Variants in DIAPH3 observed in about 807,000 individuals in gnomAD.
The protein encoded by DIAPH3 is protein diaphanous homolog 3.
In DIAPH3, 117 loss-of-function variants were observed where a neutral mutation model predicts 144.3. The ratio of observed to expected loss-of-function variants is 0.81; its 90% CI spans 0.70 to 0.95. The LOEUF (loss-of-function observed/expected upper bound fraction) is 0.95, where lower values mean the gene tolerates loss of function less well. DIAPH3 is among the 40% of genes least tolerant of loss of function. The pLI is 0.00. For synonymous variants in DIAPH3, 519 were observed against 488.9 expected (o/e 1.06, Z -0.81); for missense variants, 1,421 against 1,412.7 (o/e 1.01, Z -0.09).
At chr13:59,865,251 G>C (rs2043848075) in intron 21 of DIAPH3, among the ~76,000 whole-genome samples, 1 of 151,778 alleles carries the variant, frequency 6.6e-6, no homozygotes, top group African/African-American at 2.4e-5. Context: ...TTTCATTAAT[G>C]AAAATTACCA....
intron 27 of DIAPH3, among the ~76,000 whole-genome samples, chr13:59,693,435 A>C (rs1430446282): frequency 6.6e-6 from 1 of 152,198 alleles, no homozygotes; most frequent in Non-Finnish European, 1.5e-5. Flanking sequence ...GTCAAAACTC[A>C]GGCTTAAAAG....
At chr13:60,144,999 C>T (rs1313861884) in intron 1 of DIAPH3, 2 of 152,192 alleles carry the variant, frequency 1.3e-5, no homozygotes. Flanking sequence ...CCTAGGTACC[C>T]ATATGATACA....
At chr13:59,864,746 T>C (rs182651761) in intron 21 of DIAPH3, among the ~76,000 whole-genome samples, 243 of 152,140 alleles carry the variant, frequency 1.6e-3, no homozygotes, top group Non-Finnish European at 2.9e-3. Flanking sequence ...GAGACCATTA[T>C]AAAGCTAAAC....
At chr13:60,012,455 G>A (rs1286196426) in intron 7 of DIAPH3, among the ~76,000 whole-genome samples, 5 of 152,174 alleles carry the variant, frequency 3.3e-5, no homozygotes, top group Admixed American at 3.3e-4. Flanking sequence ...GGCAGGCACA[G>A]GACCAGAAAC....
At chr13:59,850,050 A>T (rs997906427) in intron 22 of DIAPH3, among the ~76,000 whole-genome samples, 18 of 143,200 alleles carry the variant, frequency 1.3e-4, no homozygotes, top group Non-Finnish European at 2.3e-4. Flanking sequence ...TGTAAGTTGG[A>T]TTCCTAGGTA....
At chr13:59,692,623 T>C (rs2033591728) in intron 27 of DIAPH3, among the ~76,000 whole-genome samples, 1 of 152,100 alleles carries the variant, frequency 6.6e-6, no homozygotes, top group Admixed American at 6.6e-5. Context: ...GGTCAAAAGA[T>C]ATGCCTCAAA....
At chr13:59,768,457 G>A (rs906176500) in intron 27 of DIAPH3, among the ~76,000 whole-genome samples, 7 of 152,116 alleles carry the variant, frequency 4.6e-5, no homozygotes, top group Non-Finnish European at 8.8e-5. Flanking sequence ...ACTTAAGGCA[G>A]TTAGTGCTCA....
At chr13:60,083,870 C>T (rs2057649333) in intron 4 of DIAPH3, among the ~76,000 whole-genome samples, 1 of 151,906 alleles carries the variant, frequency 6.6e-6, no homozygotes, top group Non-Finnish European at 1.5e-5. Context: ...CTACTGCACT[C>T]CAGCCTGGGT....
chr13:60,127,913 T>C (rs1555381436), intron 2 of DIAPH3, among the ~76,000 whole-genome samples: 2 of 152,180 alleles, frequency 1.3e-5, no homozygotes, highest in Non-Finnish European at 1.5e-5. Context: ...AACTTTTTTT[T>C]TAACTTTTAG....
chr13:59,890,693 T>C lies in DIAPH3; in HGVS notation c.2368-11225A>G, dbSNP rs1243764240. On this transcript the variant is annotated intron_variant, in intron 20 of 27. Coordinates refer to ENST00000400324, the MANE Select transcript of DIAPH3 (RefSeq NM_001042517.2). Reference sequence around the variant, plus strand: ...TTCTCCACATATATACATATATGTATGTATATATGTATGTATGTATAAGGT... The same window carrying C: ...TTCTCCACATATATACATATATGTACGTATATATGTATGTATGTATAAGGT... 2.0e-5 allele frequency among the ~76,000 whole-genome samples: 3 copies of C among 151,942 alleles called. No homozygotes were observed. In the East Asian group the frequency reaches 5.8e-4, roughly 29 times the overall value.
At chr13:60,077,137 A>C (rs1247305499) in intron 4 of DIAPH3, among the ~76,000 whole-genome samples, 2 of 152,242 alleles carry the variant, frequency 1.3e-5, no homozygotes, top group South Asian at 2.1e-4. Context: ...CTTGATTACT[A>C]AACAAGTTAT....
At chr13:59,727,408 C>A (rs1263933276) in intron 27 of DIAPH3, among the ~76,000 whole-genome samples, 2 of 152,142 alleles carry the variant, frequency 1.3e-5, no homozygotes, top group African/African-American at 4.8e-5. Flanking sequence ...AATTTGGAAA[C>A]ATTTCCATAG....
At chr13:59,971,912 C>A (rs1302924516) in intron 15 of DIAPH3, among the ~76,000 whole-genome samples, 2 of 152,178 alleles carry the variant, frequency 1.3e-5, no homozygotes, top group African/African-American at 4.8e-5. Flanking sequence ...TAACAGGTCC[C>A]TTCCTTGGGA....
intron 12 of DIAPH3, among the ~76,000 whole-genome samples, chr13:59,987,664 A>C (rs2051505603): frequency 1.3e-5 from 2 of 151,520 alleles, no homozygotes; most frequent in Admixed American, 6.6e-5. Flanking sequence ...ACTGGTTTTA[A>C]AATATCCTAG....
chr13:59,893,731 C>T (rs551353517), intron 20 of DIAPH3, among the ~76,000 whole-genome samples: 1 of 151,972 alleles, frequency 6.6e-6, no homozygotes. Context: ...AACAAGAGAA[C>T]CTTTTTCTAT....
At chr13:60,071,010 C>T (rs1452973818) in intron 4 of DIAPH3, among the ~76,000 whole-genome samples, 1 of 152,120 alleles carries the variant, frequency 6.6e-6, no homozygotes, top group Non-Finnish European at 1.5e-5. Flanking sequence ...TTAGAATTTC[C>T]ATTTGACAAA....
At chr13:59,686,822 A>C (rs2033241166) in intron 27 of DIAPH3, among the ~76,000 whole-genome samples, 1 of 152,076 alleles carries the variant, frequency 6.6e-6, no homozygotes, top group Non-Finnish European at 1.5e-5. Context: ...TGTGCACCAA[A>C]GCATTACAGA....
intron 5 of DIAPH3, among the ~76,000 whole-genome samples, chr13:60,038,202 T>C (rs2055370344): frequency 6.6e-6 from 1 of 152,086 alleles, no homozygotes; most frequent in Non-Finnish European, 1.5e-5. Flanking sequence ...ATATTATATG[T>C]CTCAGCCTCA....
At chr13:59,746,817 G>A (rs1593737094) in intron 27 of DIAPH3, among the ~76,000 whole-genome samples, 2 of 152,122 alleles carry the variant, frequency 1.3e-5, no homozygotes, top group Admixed American at 1.3e-4. Context: ...CACTGACAGC[G>A]TATTTCTCAT....
Sources: gnomAD v4.1 joint callset for allele counts (sites outside exome capture counted in the v4.1 genomes callset) on GRCh38, gnomAD v4.1.1 for gene constraint, MANE v1.5 for transcripts, NCBI Gene and HGNC (gene_info 2026-07-23, HGNC 2026-07-21) for gene names.